The following GLOD5 variants were observed in gnomAD, a reference collection of about 807,000 sequenced individuals.
GLOD5 encodes the protein glyoxalase domain containing 5, also known as glyoxalase domain-containing protein 5.
A neutral mutation model predicts 9.9 loss-of-function variants in GLOD5; 7 were observed. The observed-to-expected ratio is 0.71, with a 90% CI of 0.40 to 1.33. GLOD5 has a LOEUF of 1.33. GLOD5 is among the 40% of genes most tolerant of loss of function. The pLI is 0.01. For missense variants in GLOD5, 146 were observed against 128.4 expected (o/e 1.14, Z -0.66); for synonymous variants, 49 against 47.3 (o/e 1.04, Z -0.14).
At chrX:48,765,634 T>A (rs1172569549) in intron 1 of GLOD5, 1 of 482,870 alleles carries the variant, frequency 2.1e-6, no homozygotes, top group Non-Finnish European at 3.8e-6. Flanking sequence ...TGGAAAGTGG[T>A]CATGGTAGAC....
At chrX:48,762,348 G>A (rs2062598432) in intron 1 of GLOD5, 1 of 112,383 alleles carries the variant, frequency 8.9e-6, no homozygotes, top group African/African-American at 3.3e-5. Context: ...GATTTTATAT[G>A]CTGTGGTGAG....
intron 1 of GLOD5, among the ~76,000 whole-genome samples, chrX:48,763,999 GAATGGAATCC>G (rs1345884465): frequency 8.9e-6 from 1 of 112,733 alleles, no homozygotes; most frequent in Non-Finnish European, 1.9e-5. Flanking sequence ...GAACAGAATA[GAATGGAATCC>G]AATGGAATCG....
chrX:48,770,980 G>A lies in GLOD5; in HGVS notation c.255G>A (p.Val85=), dbSNP rs2062620827. 1.7e-6 allele frequency: 2 copies of A among 1,201,818 alleles called. No individual in the cohort carries two copies. The highest frequency in any genetic ancestry group is 1.8e-5 in the South Asian group (1 of 55,654). The change falls in exon 3 of 4, where the codon GTG becomes GTA. Residue 85 remains valine, a synonymous_variant. Coordinates refer to ENST00000303227, the MANE Select transcript of GLOD5 (RefSeq NM_001080489.3). ...FGDQKFNLHE[V]GKEFEPKAAH... ...ACCAGAAATTTAACCTCCACGAGGT[G>A]GGAAAGGAATTTGAACCCAAAGCCG...
intron 3 of GLOD5, among the ~76,000 whole-genome samples, chrX:48,772,464 C>G (rs187519817): frequency 9.0e-6 from 1 of 111,226 alleles, no homozygotes; most frequent in Non-Finnish European, 1.9e-5. Flanking sequence ...ATCGTTTGAG[C>G]CCAGGTTGAG....
chrX:48,773,528 A>C lies in GLOD5; in HGVS notation c.*93A>C. 9.9e-7 allele frequency: 1 copy of C among 1,006,872 alleles called. No individual in the cohort carries two copies. The highest frequency in any genetic ancestry group is 3.1e-5 in the East Asian group (1 of 32,476). The allele number at this position is 1,006,872 out of a possible 1,213,427, so 83.0% of individuals were successfully genotyped here. On this transcript the variant is annotated 3_prime_UTR_variant, in exon 4 of 4. Transcript: ENST00000303227. ...CACCCAGGCCCAGAGATCTCCAAAG[A>C]CTGAGGACTTAGGCACTTCACACAT...
intron 2 of GLOD5, among the ~76,000 whole-genome samples, chrX:48,770,077 C>A (rs1228627146): frequency 1.8e-5 from 2 of 108,604 alleles, no homozygotes; most frequent in East Asian, 5.8e-4. Flanking sequence ...GAGTTTGAGA[C>A]CAGCCTGGCC....
chrX:48,769,637 G>A (rs1281341026), intron 2 of GLOD5, among the ~76,000 whole-genome samples: 1 of 111,842 alleles, frequency 8.9e-6, no homozygotes, highest in Non-Finnish European at 1.9e-5. Flanking sequence ...AGATAGTAAT[G>A]TGAATGAGCT....
chrX:48,770,975 G>A lies in GLOD5; in HGVS notation c.250G>A (p.Glu84Lys), dbSNP rs1557017311. ...TGGAGACCAGAAATTTAACCTCCACGAGGTGGGAAAGGAATTTGAACCCAA... is the reference window on the plus strand; with the variant it reads ...TGGAGACCAGAAATTTAACCTCCACAAGGTGGGAAAGGAATTTGAACCCAA... ...CFGDQKFNLH[E>K]VGKEFEPKAA... The change falls in exon 3 of 4, where the codon GAG becomes AAG. Residue 84 changes from glutamate (E) to lysine (K), a missense_variant. Transcript: ENST00000303227. 10 of 1,201,818 alleles carry A rather than the reference G, an allele frequency of 8.3e-6. No individual in the cohort carries two copies. In the South Asian group the frequency reaches 1.8e-4, roughly 22 times the overall value.
At chrX:48,765,425 A>G (rs1049245712) in intron 1 of GLOD5, among the ~76,000 whole-genome samples, 2 of 108,782 alleles carry the variant, frequency 1.8e-5, no homozygotes, top group Admixed American at 2.0e-4. Flanking sequence ...TAAAAATACA[A>G]AAATTAGCTG....
chrX:48,765,741 T>G, intron 1 of GLOD5, 94 bp from the exon 2 acceptor site: 1 of 961,504 alleles, frequency 1.0e-6, no homozygotes, highest in Non-Finnish European at 1.5e-6. Flanking sequence ...GAGGAAGTAG[T>G]GTAATTGGGG....
rs1418107928 is a variant in GLOD5 at position 48,770,942 on chromosome X, C to G, written c.217C>G (p.Leu73Val). 2.5e-6 allele frequency: 3 copies of G among 1,188,824 alleles called. No homozygotes were observed. The highest frequency in any genetic ancestry group is 3.4e-6 in the Non-Finnish European group (3 of 886,421). The change falls in exon 3 of 4, where the codon CTG becomes GTG. Residue 73 changes from leucine to valine, a missense_variant. Transcript: ENST00000303227. ...VMTFKEDRKALCFGDQKFNLH... is the reference protein window; with the variant it reads ...VMTFKEDRKAVCFGDQKFNLH... ...CACCAAGTAGGAAGACCGGAAAGCA[C>G]TGTGTTTTGGAGACCAGAAATTTAA...
rs782635416 is a variant in GLOD5 at position 48,766,017 on chromosome X, G to A, written c.201+45G>A. The A allele has an allele frequency of 2.7e-6, 3 of 1,130,898 alleles. No individual in the cohort carries two copies. In the East Asian group the frequency reaches 9.1e-5, roughly 34 times the overall value. The allele number at this position is 1,130,898 out of a possible 1,213,427, so 93.2% of individuals were successfully genotyped here. A position where few individuals can be genotyped will look rare whatever the true frequency, so the allele number is the denominator to read the frequency against. The stretch of plus-strand genomic sequence containing the variant: ...CCAAAATTCAGGTGGGCTAAAATTT[G>A]TTGATAACACTTTAACATATAACTT... On this transcript the variant is annotated intron_variant, in intron 2 of 3. Transcript: ENST00000303227.
At chrX:48,769,857 G>T (rs1417758435) in intron 2 of GLOD5, among the ~76,000 whole-genome samples, 1 of 107,830 alleles carries the variant, frequency 9.3e-6, no homozygotes, top group Non-Finnish European at 1.9e-5. Context: ...GGGTGTGCCT[G>T]TGGTCCCTGC....
chrX:48,765,381 C>T (rs1557016484), intron 1 of GLOD5, among the ~76,000 whole-genome samples: 1 of 108,627 alleles, frequency 9.2e-6, no homozygotes, highest in Non-Finnish European at 1.9e-5. Context: ...AGTTTAAGAC[C>T]AGCCTGACCA....
At position 48,765,883 on chromosome X, in the gene GLOD5, C is replaced by A. The variant is rs1373500517; in HGVS notation, c.112C>A (p.Leu38Ile). Residue 38 changes from leucine (L) to isoleucine (I), a missense_variant, in exon 2 of 4, where the codon CTT becomes ATT. By Grantham distance (5) the Leu-to-Ile change is conservative (BLOSUM62 2). Transcript: ENST00000303227. ...QTPPPCLIRRLDHIVMTVKSI... is the reference protein window; with the variant it reads ...QTPPPCLIRRIDHIVMTVKSI... ...CCCTCCCCCATGTCTTATCCGTAGA[C>A]TTGACCACATCGTGATGACGGTGAA... 8.3e-7 allele frequency: 1 copy of A among 1,199,506 alleles called. No individual in the cohort carries two copies. The highest frequency in any genetic ancestry group is 1.8e-5 in the African/African-American group (1 of 56,740).
intron 2 of GLOD5, among the ~76,000 whole-genome samples, chrX:48,769,821 TAA>T (rs1303116901): frequency 1.0e-5 from 1 of 100,311 alleles, no homozygotes; most frequent in African/African-American, 3.7e-5. Context: ...CTACAAAAAA[TAA>T]AAAAAAATTA....
intron 1 of GLOD5, among the ~76,000 whole-genome samples, chrX:48,763,730 T>C: frequency 8.9e-6 from 1 of 111,912 alleles, no homozygotes. Context: ...TAAAATTTAT[T>C]TCAACATATG....
chrX:48,762,373 A>G (rs1412938214), intron 1 of GLOD5: 1 of 109,051 alleles, frequency 9.2e-6, no homozygotes, highest in African/African-American at 3.4e-5. Context: ...AAAATGGATT[A>G]TATTTTTGTA....
At chrX:48,771,584 G>A (rs1557017381) in intron 3 of GLOD5, among the ~76,000 whole-genome samples, 1 of 111,426 alleles carries the variant, frequency 9.0e-6, no homozygotes, top group Non-Finnish European at 1.9e-5. Context: ...CCAAAGTGCT[G>A]GCCATTACAG....
Sources: allele counts gnomAD v4.1 joint callset (sites outside exome capture counted in the v4.1 genomes callset), GRCh38; gene constraint gnomAD v4.1.1; transcripts MANE v1.5; gene names NCBI Gene and HGNC (gene_info 2026-07-23, HGNC 2026-07-21).